Variants in SHANK2 observed in about 807,000 individuals in gnomAD.
SHANK2 encodes SH3 and multiple ankyrin repeat domains 2.
In SHANK2, 43 loss-of-function variants were observed where a neutral mutation model predicts 133.7. That is an observed-to-expected ratio of 0.32 (90% CI 0.25 to 0.41). The LOEUF (loss-of-function observed/expected upper bound fraction) is 0.41. SHANK2 is among the 10% of genes least tolerant of loss of function. The pLI is 1.00. For missense variants in SHANK2, 1,994 were observed against 2,235.8 expected (o/e 0.89, Z 2.18); for synonymous variants, 1,017 against 952.8 (o/e 1.07, Z -1.24).
At chr11:70,902,261 A>G (rs1950033649) in intron 10 of SHANK2, among the ~76,000 whole-genome samples, 1 of 152,222 alleles carries the variant, frequency 6.6e-6, no homozygotes, top group Admixed American at 6.5e-5. Flanking sequence ...CTGGCTGGGA[A>G]GGAGGAAGGC....
intron 17 of SHANK2, among the ~76,000 whole-genome samples, chr11:70,617,305 A>ATGTGTGTG (rs34433990): frequency 2.7e-5 from 4 of 149,376 alleles, no homozygotes; most frequent in African/African-American, 9.9e-5. Flanking sequence ...CTGAGAGAGT[A>ATGTGTGTG]TGTGTGTGTG....
Position 70,473,401 on chromosome 11 carries a change from C to T in SHANK2, c.5018G>A (p.Ser1673Asn), listed in dbSNP as rs1368859882. The T allele has an allele frequency of 3.1e-6, 5 of 1,607,840 alleles. No homozygotes were observed. Among genetic ancestry groups the T allele is most frequent in the Admixed American group, 1.7e-5 (1 of 60,014 alleles). The change falls in exon 26 of 26, where the codon AGC (serine) becomes AAC (asparagine). Residue 1673 changes from serine (S) to asparagine (N), a missense_variant. Transcript: ENST00000601538. This position sits in a 1 kb window ranked among gnomAD's most constrained non-coding sequence, Gnocchi z 5.9. ...GCGAACAGTGAAGGTGACCGTCGTG[C>T]TCCGTGTACCTGAGATGGTGCTCAT... ...EIMSTISGTR[S>N]TTVTFTVRPG...
At chr11:70,590,085 G>A (rs2060302464) in intron 17 of SHANK2, among the ~76,000 whole-genome samples, 1 of 152,220 alleles carries the variant, frequency 6.6e-6, no homozygotes, top group South Asian at 2.1e-4. Context: ...AACCTGGGAG[G>A]TGGAGCTTGC....
rs1236166462 is a variant in SHANK2 at position 70,893,005 on chromosome 11, AAAC to A, written c.1174+3493_1174+3495del. On this transcript the variant is annotated intron_variant, in intron 11 of 25. Transcript: ENST00000601538. ...GTGCTTCCTGTATCTCCTCCACAAT[AAAC>A]AACTTGTCCTCAAATCCTCACCTCA... is the stretch of plus-strand genomic sequence containing the variant. Among the ~76,000 whole-genome samples the A allele has an allele frequency of 2.2e-4, 33 of 152,118 alleles. 1 individual carries two copies. Among genetic ancestry groups the A allele is most frequent in the African/African-American group, 8.0e-4 (33 of 41,484 alleles).
intron 15 of SHANK2, among the ~76,000 whole-genome samples, chr11:70,662,900 G>C (rs1247060181): frequency 6.6e-6 from 1 of 152,110 alleles, no homozygotes; most frequent in Non-Finnish European, 1.5e-5. Context: ...GGGGCAGAAG[G>C]GGAGTGAGAT....
At chr11:70,869,712 T>C (rs1949427356) in intron 11 of SHANK2, among the ~76,000 whole-genome samples, 1 of 152,180 alleles carries the variant, frequency 6.6e-6, no homozygotes, top group Non-Finnish European at 1.5e-5. Flanking sequence ...CGTGTCATCT[T>C]GGCATGTCCC....
chr11:70,512,132 G>A (rs2059212398), intron 17 of SHANK2, among the ~76,000 whole-genome samples: 1 of 152,212 alleles, frequency 6.6e-6, no homozygotes, highest in Admixed American at 6.5e-5. Flanking sequence ...TGGCACTATG[G>A]TGATTTTGGA....
chr11:71,127,950 C>G (rs1352211179), intron 3 of SHANK2, among the ~76,000 whole-genome samples: 1 of 152,204 alleles, frequency 6.6e-6, no homozygotes, highest in Non-Finnish European at 1.5e-5. Context: ...TCTGGTGGAC[C>G]AGCCATCCTC....
At chr11:70,617,478 A>G (rs1312537331) in intron 17 of SHANK2, among the ~76,000 whole-genome samples, 2 of 113,388 alleles carry the variant, frequency 1.8e-5, no homozygotes, top group Non-Finnish European at 3.9e-5. Flanking sequence ...GGGGAGGTGG[A>G]GCAGATTTGT....
chr11:70,545,602 G>A (rs1277521922), intron 17 of SHANK2, among the ~76,000 whole-genome samples: 3 of 152,200 alleles, frequency 2.0e-5, no homozygotes, highest in Non-Finnish European at 2.9e-5. Flanking sequence ...TCCGTACGGC[G>A]CCTGCACACG....
chr11:71,243,550 T>G (rs1432353349), intron 1 of SHANK2, among the ~76,000 whole-genome samples: 1 of 152,052 alleles, frequency 6.6e-6, no homozygotes. Flanking sequence ...AAAAAATTAG[T>G]TGGGCCTGGT....
intron 14 of SHANK2, among the ~76,000 whole-genome samples, chr11:70,793,856 C>T (rs941828892): frequency 3.2e-4 from 48 of 152,190 alleles, no homozygotes; most frequent in African/African-American, 1.1e-3. Context: ...TAAAAAGACT[C>T]ACACAAAAAC....
rs2059321099 is a variant in SHANK2, at chr11:70,520,800, G to C, written c.2062-17869C>G. Among the ~76,000 whole-genome samples, 5 of 152,204 alleles carry C rather than the reference G, an allele frequency of 3.3e-5. No individual in the cohort carries two copies. The South Asian group carries it at 1.0e-3, about 32-fold the overall frequency. The stretch of plus-strand genomic sequence containing the variant: ...CCCATGAATACTCATGTTGTACTTT[G>C]AATGATAACCAAATGTGACTTTATT... On this transcript the variant is annotated intron_variant, in intron 17 of 25. Coordinates refer to ENST00000601538, the MANE Select transcript of SHANK2 (RefSeq NM_012309.5).
chr11:71,174,066 T>G (rs1555112688), intron 2 of SHANK2, among the ~76,000 whole-genome samples: 1 of 152,240 alleles, frequency 6.6e-6, no homozygotes, highest in Non-Finnish European at 1.5e-5. Flanking sequence ...GGCTTCACAC[T>G]TATGGAAGTG....
chr11:71,113,687 C>A (rs564700405), intron 4 of SHANK2, among the ~76,000 whole-genome samples: 1 of 152,326 alleles, frequency 6.6e-6, no homozygotes, highest in South Asian at 2.1e-4. Context: ...GTTATGGTTC[C>A]TCCCAGGGGA....
chr11:70,953,638 AC>A (rs1362649755), intron 10 of SHANK2, among the ~76,000 whole-genome samples: 3 of 152,056 alleles, frequency 2.0e-5, no homozygotes, highest in Non-Finnish European at 2.9e-5. Context: ...ACCTGCATCC[AC>A]CTGCTTAGTT....
At chr11:70,853,992 G>A (rs1262539713) in intron 11 of SHANK2, among the ~76,000 whole-genome samples, 4 of 152,112 alleles carry the variant, frequency 2.6e-5, no homozygotes, top group African/African-American at 4.8e-5. Context: ...CCACAAAGAC[G>A]CTATTTCTAA....
chr11:71,058,474 A>T (rs1455400857), intron 9 of SHANK2, among the ~76,000 whole-genome samples: 1 of 152,262 alleles, frequency 6.6e-6, no homozygotes, highest in Non-Finnish European at 1.5e-5. Flanking sequence ...CGTACCGACT[A>T]TTAGAATAAT....
chr11:70,612,265 G>A (rs977641013), intron 17 of SHANK2, among the ~76,000 whole-genome samples: 6 of 152,140 alleles, frequency 3.9e-5, no homozygotes, highest in Non-Finnish European at 5.9e-5. Context: ...AGAGAATCAG[G>A]GCTGGGCTGA....
Sources: gnomAD v4.1 joint callset for allele counts (sites outside exome capture counted in the v4.1 genomes callset) on GRCh38, gnomAD v4.1.1 for gene constraint, Gnocchi (gnomAD v3.1) non-coding constraint, MANE v1.5 for transcripts, NCBI Gene and HGNC (gene_info 2026-07-23, HGNC 2026-07-21) for gene names.